PCNX2: variants seen among roughly 807,000 people sequenced by gnomAD.
PCNX2 encodes pecanex-like protein 2.
PCNX2 carries 168 observed loss-of-function variants against 223.8 expected under a neutral mutation model. The observed-to-expected ratio is 0.75, with a 90% CI of 0.66 to 0.85. The LOEUF (loss-of-function observed/expected upper bound fraction) is 0.85, where lower values mean the gene tolerates loss of function less well. PCNX2 is among the 40% of genes least tolerant of loss of function. The pLI, the probability that PCNX2 is intolerant of heterozygous loss-of-function variation, is 0.00. For missense variants in PCNX2, 2,507 were observed against 2,675.5 expected (o/e 0.94, Z 1.39); for synonymous variants, 1,006 against 1,052.6 (o/e 0.96, Z 0.86).
chr1:233,121,469 G>A (rs1236627270), intron 21 of PCNX2, among the ~76,000 whole-genome samples: 1 of 152,112 alleles, frequency 6.6e-6, no homozygotes, highest in Admixed American at 6.5e-5. Context: ...AAGACAACAT[G>A]GTATTAGCAA....
At chr1:233,141,569 G>A (rs934167744) in intron 19 of PCNX2, among the ~76,000 whole-genome samples, 1 of 152,148 alleles carries the variant, frequency 6.6e-6, no homozygotes, top group African/African-American at 2.4e-5. Flanking sequence ...TGGAGGCTGA[G>A]GCAGGAGATT....
intron 1 of PCNX2, among the ~76,000 whole-genome samples, chr1:233,283,901 G>A (rs1285271952): frequency 6.6e-6 from 1 of 152,056 alleles, no homozygotes; most frequent in Non-Finnish European, 1.5e-5. Flanking sequence ...AAACACAAAG[G>A]GGAAAATTGG....
At chr1:233,143,137 A>T (rs888384397) in intron 19 of PCNX2, among the ~76,000 whole-genome samples, 10 of 152,166 alleles carry the variant, frequency 6.6e-5, no homozygotes, top group African/African-American at 2.4e-4. Context: ...CAAATACAAC[A>T]TGTCACAAAC....
chr1:233,035,392 A>G (rs542713051), intron 25 of PCNX2, among the ~76,000 whole-genome samples: 1 of 152,378 alleles, frequency 6.6e-6, no homozygotes, highest in Non-Finnish European at 1.5e-5. Flanking sequence ...GATTACATTT[A>G]AAACATTGTA....
chr1:233,056,803 A>T (rs1672206677), intron 24 of PCNX2, among the ~76,000 whole-genome samples: 1 of 152,212 alleles, frequency 6.6e-6, no homozygotes. Flanking sequence ...TAGCAGGTAC[A>T]TCCTTTCATA....
At position 233,256,728 on chromosome 1, in the gene PCNX2, T is replaced by C. The variant is rs141072910; in HGVS notation, c.1834+1300A>G. 1.2e-4 allele frequency among the ~76,000 whole-genome samples: 19 copies of C among 152,332 alleles called. No homozygotes were observed. In the East Asian group the frequency reaches 3.5e-3, roughly 28 times the overall value. On this transcript the variant is annotated intron_variant, in intron 5 of 33. Coordinates refer to ENST00000258229, the MANE Select transcript of PCNX2 (RefSeq NM_014801.4). ...GCTAGCCTAGAGGTATGAATCTTTATATTAGATAGATGATAAACACCCAAA... is the reference window on the plus strand; with the variant it reads ...GCTAGCCTAGAGGTATGAATCTTTACATTAGATAGATGATAAACACCCAAA...
At chr1:233,104,575 C>A (rs1180580091) in intron 21 of PCNX2, among the ~76,000 whole-genome samples, 1 of 152,024 alleles carries the variant, frequency 6.6e-6, no homozygotes, top group Non-Finnish European at 1.5e-5. Flanking sequence ...ATAGGGGAAG[C>A]TTTTAAGATA....
At chr1:233,093,510 CACTTAATA>C (rs1673993379) in intron 22 of PCNX2, among the ~76,000 whole-genome samples, 1 of 152,302 alleles carries the variant, frequency 6.6e-6, no homozygotes, top group Admixed American at 6.5e-5. Flanking sequence ...CCAGGGCTGA[CACTTAATA>C]ACTTAATAGC....
chr1:233,021,073 C>T (rs1394397236), intron 26 of PCNX2, among the ~76,000 whole-genome samples: 1 of 152,084 alleles, frequency 6.6e-6, no homozygotes, highest in East Asian at 1.9e-4. Context: ...GCTGTTTCTT[C>T]TGTTCTAATA....
chr1:233,122,358 T>C (rs1443507829), intron 21 of PCNX2, among the ~76,000 whole-genome samples: 1 of 152,108 alleles, frequency 6.6e-6, no homozygotes, highest in African/African-American at 2.4e-5. Context: ...GAAACATAAC[T>C]TCCCATTCCT....
At chr1:233,211,390 G>A (rs573085532) in intron 12 of PCNX2, among the ~76,000 whole-genome samples, 4 of 151,722 alleles carry the variant, frequency 2.6e-5, no homozygotes, top group African/African-American at 4.8e-5. Context: ...GAGTGCAGTG[G>A]CATGATCATA....
intron 21 of PCNX2, among the ~76,000 whole-genome samples, chr1:233,118,394 A>C (rs532233207): frequency 6.6e-6 from 1 of 152,016 alleles, no homozygotes; most frequent in East Asian, 1.9e-4. Context: ...AAGACTGGCA[A>C]AGGAAGTAAA....
chr1:233,009,982 T>A (rs1387726614), intron 28 of PCNX2, among the ~76,000 whole-genome samples: 1 of 152,258 alleles, frequency 6.6e-6, no homozygotes, highest in Non-Finnish European at 1.5e-5. Flanking sequence ...TAGACTTACA[T>A]ATTTTTCTCA....
chr1:233,293,134 C>T (rs559226849), intron 1 of PCNX2, among the ~76,000 whole-genome samples: 58 of 152,204 alleles, frequency 3.8e-4, no homozygotes, highest in South Asian at 6.2e-4. Flanking sequence ...TCTGACCATA[C>T]GTAGACATCA....
rs1670057955 is a variant in PCNX2, at chr1:233,000,871, AGCTGCTCTTGAGG to A, written c.5098-349_5098-337del. Among the ~76,000 whole-genome samples the A allele has an allele frequency of 6.6e-6, 1 of 152,212 alleles. No homozygotes were observed. The highest frequency in any genetic ancestry group is 1.5e-5 in the Non-Finnish European group (1 of 68,034). On this transcript the variant is annotated intron_variant, in intron 29 of 33. Transcript: ENST00000258229. This position sits in a 1 kb window ranked among gnomAD's most constrained non-coding sequence, Gnocchi z 4.6. ...GTGGAATATCACCACCTCCTAGCCTAGCTGCTCTTGAGGGCAAATCACCATTGGCTAAAGTCAA... is the reference window on the plus strand; with the variant it reads ...GTGGAATATCACCACCTCCTAGCCTAGCAAATCACCATTGGCTAAAGTCAA...
chr1:233,061,426 T>A (rs537727584), intron 23 of PCNX2, among the ~76,000 whole-genome samples: 1 of 152,324 alleles, frequency 6.6e-6, no homozygotes, highest in East Asian at 1.9e-4. Flanking sequence ...GCACGAGACA[T>A]TTCCTGAGGA....
chr1:233,160,293 C>T lies in PCNX2; in HGVS notation c.3507G>A (p.Arg1169=). The change falls in exon 19 of 34, where the codon CGG becomes CGA. Residue 1169 remains arginine, a synonymous_variant. Transcript: ENST00000258229. Reference sequence around the variant, plus strand: ...GGATATATTACTAACCTCTCACTTCCCGTTGATGATACTCTTTGTTTTTGA... The same window carrying T: ...GGATATATTACTAACCTCTCACTTCTCGTTGATGATACTCTTTGTTTTTGA... The part of the protein sequence containing the change: ...PILKNKEYHQ[R]EVRDVAHLMW... The T allele has an allele frequency of 6.2e-7, 1 of 1,613,100 alleles. No homozygotes were observed. The highest frequency in any genetic ancestry group is 1.1e-5 in the South Asian group (1 of 91,046).
At chr1:233,057,397 C>T in intron 23 of PCNX2, 107 bp from the exon 24 acceptor site, 1 of 837,308 alleles carries the variant, frequency 1.2e-6, no homozygotes, top group Non-Finnish European at 2.0e-6. Context: ...GGTGACAGAT[C>T]TCACAGGTTA....
chr1:233,199,820 A>T (rs983528082), intron 14 of PCNX2, among the ~76,000 whole-genome samples: 6 of 151,412 alleles, frequency 4.0e-5, no homozygotes, highest in African/African-American at 1.5e-4. Context: ...ACACACACAC[A>T]CTTATATCCA....
Sources: allele counts gnomAD v4.1 joint callset (sites outside exome capture counted in the v4.1 genomes callset), GRCh38; gene constraint gnomAD v4.1.1; non-coding constraint Gnocchi (gnomAD v3.1); transcripts MANE v1.5; gene names NCBI Gene and HGNC (gene_info 2026-07-23, HGNC 2026-07-21).